The following LRP2 variants were observed in gnomAD, a reference collection of about 807,000 sequenced individuals.
The protein encoded by LRP2 is LDL receptor related protein 2.
Under a neutral mutation model 531.0 loss-of-function variants are expected in LRP2, and 172 were observed. The ratio of observed to expected loss-of-function variants is 0.32; its 90% confidence interval spans 0.29 to 0.37. The LOEUF is 0.37. LRP2 is among the 10% of genes least tolerant of loss of function. The probability of loss-of-function intolerance (pLI) is 1.00; values close to 1 mark genes in which losing one functional copy is unlikely to be tolerated. For synonymous variants in LRP2, 1,992 were observed against 2,027.6 expected, an observed-to-expected ratio of 0.98 and a Z score of 0.47; for missense variants, 5,167 against 5,868.3, an observed-to-expected ratio of 0.88 and a Z score of 3.90.
At chr2:169,261,801 T>C (rs2105417401) in intron 16 of LRP2, among the ~76,000 whole-genome samples, 1 of 152,190 alleles carries the variant, frequency 6.6e-6, no homozygotes, top group South Asian at 2.1e-4. Context: ...AAACAGAGCA[T>C]TTTAGACCAA....
chr2:169,331,714 T>C (rs1222425289), intron 1 of LRP2, among the ~76,000 whole-genome samples: 4 of 152,224 alleles, frequency 2.6e-5, no homozygotes, highest in Non-Finnish European at 2.9e-5. Context: ...TGAATCAAAC[T>C]ACTTACAAGA....
At chr2:169,217,438 T>G (rs1688841474) in intron 34 of LRP2, among the ~76,000 whole-genome samples, 1 of 152,174 alleles carries the variant, frequency 6.6e-6, no homozygotes, top group South Asian at 2.1e-4. Flanking sequence ...TTAAACTTGT[T>G]CTTTGCCCTT....
chr2:169,296,146 T>C (rs951335846), intron 4 of LRP2, among the ~76,000 whole-genome samples: 5 of 152,138 alleles, frequency 3.3e-5, no homozygotes, highest in African/African-American at 4.8e-5. Context: ...TCTCCAATGA[T>C]CTTTTTTTTG....
intron 16 of LRP2, among the ~76,000 whole-genome samples, chr2:169,264,839 C>T (rs1690727482): frequency 6.6e-6 from 1 of 152,000 alleles, no homozygotes; most frequent in African/African-American, 2.4e-5. Flanking sequence ...TGTCACGCCA[C>T]TCCTCTATCT....
chr2:169,147,954 T>A (rs1281168078), intron 68 of LRP2, among the ~76,000 whole-genome samples: 1 of 150,516 alleles, frequency 6.6e-6, no homozygotes, highest in Non-Finnish European at 1.5e-5. Flanking sequence ...AAAAAAAAAA[T>A]CTTAAAGCTC....
chr2:169,157,337 C>T (rs1027437788), intron 64 of LRP2, 34 bp downstream of exon 64: 1 of 1,610,122 alleles, frequency 6.2e-7, no homozygotes, highest in Non-Finnish European at 8.5e-7. Flanking sequence ...ATGTAAAGTT[C>T]ACCTAAACAG....
chr2:169,154,621 G>T lies in LRP2; in HGVS notation c.12152-18C>A. The T allele has an allele frequency of 1.2e-6, 2 of 1,612,048 alleles. No individual in the cohort carries two copies. Among genetic ancestry groups the T allele is most frequent in the Non-Finnish European group, 1.7e-6 (2 of 1,178,306 alleles). ...AGAGCTACCTGTAAACAAACAAAGG[G>T]CTACTTTATCTGTTTGAATTATACT... is the stretch of plus-strand genomic sequence containing the variant. On this transcript the variant is annotated intron_variant, in intron 65 of 78. Coordinates refer to ENST00000649046, the MANE Select transcript of LRP2 (RefSeq NM_004525.3).
chr2:169,320,958 A>T, intron 1 of LRP2, 74 bp from the exon 2 acceptor site: 1 of 1,073,618 alleles, frequency 9.3e-7, no homozygotes, highest in Non-Finnish European at 1.4e-6. Flanking sequence ...AATTTTTGAT[A>T]AAATGAAAAA....
At chr2:169,348,355 T>C (rs1214131445) in intron 1 of LRP2, among the ~76,000 whole-genome samples, 1 of 152,146 alleles carries the variant, frequency 6.6e-6, no homozygotes, top group African/African-American at 2.4e-5. Context: ...CAAGTGGCCA[T>C]GGGTCCTTTT....
chr2:169,159,470 C>A (rs547138551), intron 63 of LRP2, among the ~76,000 whole-genome samples: 1 of 152,188 alleles, frequency 6.6e-6, no homozygotes, highest in Non-Finnish European at 1.5e-5. Flanking sequence ...GTGCAGACTT[C>A]AAAGCTGTAT....
At position 169,320,891 on chromosome 2, in the gene LRP2, T is replaced by C. The variant is rs2105516399; in HGVS notation, c.80-7A>G. 1.3e-6 allele frequency: 2 copies of C among 1,598,684 alleles called. No individual in the cohort carries two copies. The highest frequency in any genetic ancestry group is 1.7e-5 in the Admixed American group (1 of 59,986). On this transcript the variant is annotated splice_polypyrimidine_tract_variant and splice_region_variant and intron_variant, in intron 1 of 78. Coordinates refer to ENST00000649046, the MANE Select transcript of LRP2 (RefSeq NM_004525.3). ...AAATGCGCACTGTCACATTCTGCAA[T>C]AATAGACAGAAATTTTAAAAACTTA...
intron 25 of LRP2, 135 bp from the exon 26 acceptor site, chr2:169,239,910 T>A: frequency 1.3e-6 from 1 of 757,104 alleles, no homozygotes; most frequent in East Asian, 2.7e-5. Context: ...AAGTGCAGCA[T>A]GCACTTGGGT....
At chr2:169,130,756 T>A (rs1011809275) in intron 77 of LRP2, among the ~76,000 whole-genome samples, 4 of 152,184 alleles carry the variant, frequency 2.6e-5, no homozygotes, top group African/African-American at 7.2e-5. Context: ...GTGAGATCCC[T>A]GGACATAACA....
chr2:169,165,805 G>A, intron 62 of LRP2, 127 bp downstream of exon 62: 1 of 1,127,068 alleles, frequency 8.9e-7, no homozygotes. Context: ...AAACAATTAT[G>A]TCAGCAGAGA....
chr2:169,327,336 G>A (rs1685110162), intron 1 of LRP2, among the ~76,000 whole-genome samples: 1 of 130,920 alleles, frequency 7.6e-6, no homozygotes, highest in Non-Finnish European at 1.7e-5. Flanking sequence ...CGCCCGGCCA[G>A]CCGCCCCATC....
intron 25 of LRP2, 143 bp from the exon 26 acceptor site, chr2:169,239,918 G>A: frequency 1.4e-6 from 1 of 731,346 alleles, no homozygotes; most frequent in South Asian, 1.6e-5. Flanking sequence ...CATGCACTTG[G>A]GTGAGTTCCA....
rs751275245 is a variant in LRP2, at chr2:169,294,254, T to C, written c.546A>G (p.Ile182Met). ...CACATGAAAACTCATTGTGCAAGCATATCTCAGCTGCAACAGAAAGTTAAG... is the reference window on the plus strand; with the variant it reads ...CACATGAAAACTCATTGTGCAAGCACATCTCAGCTGCAACAGAAAGTTAAG... Reference protein sequence around the residue: ...DSSDEINCTEICLHNEFSCGN... With the variant: ...DSSDEINCTEMCLHNEFSCGN... The change falls in exon 6 of 79, where the codon ATA becomes ATG. Residue 182 changes from isoleucine (I) to methionine (M), a missense_variant. This residue lies in a region of LRP2 where 2,811 missense variants were observed against 3,058.0 expected (regional missense o/e 0.92). Transcript: ENST00000649046. The C allele has an allele frequency of 1.3e-6, 2 of 1,587,436 alleles. No homozygotes were observed. Among genetic ancestry groups the C allele is most frequent in the Admixed American group, 1.7e-5 (1 of 59,970 alleles).
intron 52 of LRP2, among the ~76,000 whole-genome samples, chr2:169,180,854 A>G (rs1311519789): frequency 1.3e-5 from 2 of 152,154 alleles, no homozygotes; most frequent in African/African-American, 4.8e-5. Flanking sequence ...TTTGATTAAT[A>G]ATGTGTATCA....
At chr2:169,256,075 C>T (rs1312813329) in intron 19 of LRP2, 31 bp downstream of exon 19, 2 of 1,609,404 alleles carry the variant, frequency 1.2e-6, no homozygotes, top group East Asian at 2.2e-5. Flanking sequence ...TGTATAAAAA[C>T]AATACATACT....
Sources: gnomAD v4.1 joint callset for allele counts (sites outside exome capture counted in the v4.1 genomes callset) on GRCh38, gnomAD v4.1.1 for gene constraint, gnomAD v4.1.1 regional missense constraint, MANE v1.5 for transcripts, NCBI Gene and HGNC (gene_info 2026-07-23, HGNC 2026-07-21) for gene names.